GALNT13: variants seen among roughly 807,000 people sequenced by gnomAD.
The protein encoded by GALNT13 is UDP-GalNAc:polypeptide N-acetylgalactosaminyltransferase 13.
A neutral mutation model predicts 64.2 loss-of-function variants in GALNT13; 28 were observed. The ratio of observed to expected loss-of-function variants is 0.44; its 90% CI spans 0.32 to 0.60. The LOEUF is 0.60. Ranked by LOEUF, GALNT13 falls within the 20% of genes least tolerant of loss-of-function variation. GALNT13 has a pLI of 0.05. For synonymous variants in GALNT13, 214 were observed against 224.6 expected, an observed-to-expected ratio of 0.95 and a Z score of 0.42; for missense variants, 577 against 669.8, an observed-to-expected ratio of 0.86 and a Z score of 1.53.
At chr2:153,749,964 C>T in the GALNT13 span, among the ~76,000 whole-genome samples, 9 of 151,692 alleles carry the variant, frequency 5.9e-5, no homozygotes, top group African/African-American at 1.9e-4. Flanking sequence ...AGCTGTGGGC[C>T]TGTCATATAT....
intron 3 of GALNT13, among the ~76,000 whole-genome samples, chr2:153,962,015 GT>G (rs1692980800): frequency 1.1e-4 from 17 of 152,140 alleles, no homozygotes; most frequent in African/African-American, 4.1e-4. Flanking sequence ...AGAGTAGCCA[GT>G]TTATATATAT....
At chr2:153,251,917 G>C in the GALNT13 span, among the ~76,000 whole-genome samples, 1 of 151,810 alleles carries the variant, frequency 6.6e-6, no homozygotes, top group African/African-American at 2.4e-5. Context: ...TGTGAATAAT[G>C]CCGCAATAAA....
the GALNT13 span, among the ~76,000 whole-genome samples, chr2:153,130,897 A>T: frequency 2.6e-5 from 4 of 152,224 alleles, no homozygotes; most frequent in Admixed American, 6.5e-5. Context: ...ATAGTTGTAC[A>T]GTCCAAACTA....
intron 9 of GALNT13, among the ~76,000 whole-genome samples, chr2:154,372,106 G>A (rs1188017379): frequency 6.6e-6 from 1 of 152,046 alleles, no homozygotes; most frequent in African/African-American, 2.4e-5. Context: ...AGAAAGCTTT[G>A]AAGATTCTAA....
chr2:153,282,120 A>T, the GALNT13 span, among the ~76,000 whole-genome samples: 1,028 of 151,308 alleles, frequency 6.8e-3, 6 homozygotes, highest in Middle Eastern at 0.017. Context: ...ATCTTAAAAA[A>T]TTTTTTTTTC....
the GALNT13 span, among the ~76,000 whole-genome samples, chr2:153,393,947 TAC>T: frequency 8.2e-3 from 1,045 of 128,128 alleles, 13 homozygotes; most frequent in East Asian, 0.026. Flanking sequence ...TCTCTCTGTC[TAC>T]ACACACACAC....
At chr2:153,966,083 T>C (rs1693314261) in intron 3 of GALNT13, among the ~76,000 whole-genome samples, 1 of 152,076 alleles carries the variant, frequency 6.6e-6, no homozygotes, top group Non-Finnish European at 1.5e-5. Context: ...TTCTTTTGTT[T>C]CAGATTGAAG....
chr2:153,624,601 C>A, the GALNT13 span, among the ~76,000 whole-genome samples: 1 of 152,048 alleles, frequency 6.6e-6, no homozygotes, highest in Non-Finnish European at 1.5e-5. Flanking sequence ...AGTGTCTCAG[C>A]AGCCACAGCC....
At chr2:154,100,579 C>T (rs1702294795) in intron 3 of GALNT13, among the ~76,000 whole-genome samples, 1 of 151,974 alleles carries the variant, frequency 6.6e-6, no homozygotes, top group African/African-American at 2.4e-5. Flanking sequence ...TTACTGTAGT[C>T]GTTTATCTAG....
At chr2:153,457,806 T>G in the GALNT13 span, among the ~76,000 whole-genome samples, 1 of 152,230 alleles carries the variant, frequency 6.6e-6, no homozygotes, top group Admixed American at 6.5e-5. Flanking sequence ...CATTTTCAGC[T>G]GTTTCTAAGT....
the GALNT13 span, among the ~76,000 whole-genome samples, chr2:153,254,629 C>A: frequency 6.6e-6 from 1 of 152,142 alleles, no homozygotes; most frequent in Non-Finnish European, 1.5e-5. Flanking sequence ...TCCCTCCACA[C>A]ACTGCTTTGG....
intron 12 of GALNT13, among the ~76,000 whole-genome samples, chr2:154,447,669 G>T (rs1391447610): frequency 6.6e-6 from 1 of 151,894 alleles, no homozygotes; most frequent in Non-Finnish European, 1.5e-5. Flanking sequence ...AGAAGTCTTG[G>T]AACAAGGCTA....
intron 4 of GALNT13, among the ~76,000 whole-genome samples, chr2:154,183,710 TCAAA>T (rs1686093011): frequency 6.6e-6 from 1 of 152,062 alleles, no homozygotes; most frequent in South Asian, 2.1e-4. Context: ...AGACCCTGTC[TCAAA>T]CAAACAAACA....
chr2:153,273,130 G>C, the GALNT13 span, among the ~76,000 whole-genome samples: 3 of 151,146 alleles, frequency 2.0e-5, no homozygotes, highest in African/African-American at 7.4e-5. Context: ...GGCCTGTCAG[G>C]GGGTGAGGGG....
At chr2:154,421,026 A>AACTT (rs1700226514) in intron 11 of GALNT13, among the ~76,000 whole-genome samples, 1 of 152,098 alleles carries the variant, frequency 6.6e-6, no homozygotes, top group Non-Finnish European at 1.5e-5. Context: ...TAAATATGAA[A>AACTT]ACTTATTTTT....
chr2:153,428,700 C>T, the GALNT13 span, among the ~76,000 whole-genome samples: 1 of 152,136 alleles, frequency 6.6e-6, no homozygotes, highest in Non-Finnish European at 1.5e-5. Context: ...GTGAGGTTTT[C>T]CAGCATAGCC....
intron 3 of GALNT13, among the ~76,000 whole-genome samples, chr2:153,976,563 T>C (rs1694090261): frequency 6.6e-6 from 1 of 152,106 alleles, no homozygotes; most frequent in Non-Finnish European, 1.5e-5. Context: ...AATTTTGCTC[T>C]AAAGAACAAG....
the GALNT13 span, among the ~76,000 whole-genome samples, chr2:153,164,732 A>T: frequency 2.0e-5 from 3 of 152,186 alleles, no homozygotes; most frequent in African/African-American, 7.2e-5. Context: ...AGTGTACAGT[A>T]GCATGTTATT....
chr2:153,372,861 A>G, the GALNT13 span, among the ~76,000 whole-genome samples: 1 of 152,068 alleles, frequency 6.6e-6, no homozygotes, highest in Non-Finnish European at 1.5e-5. Flanking sequence ...TGCTTGAACT[A>G]TCTTTTCTTT....
Sources: gnomAD v4.1 joint callset for allele counts (sites outside exome capture counted in the v4.1 genomes callset) on GRCh38, gnomAD v4.1.1 for gene constraint, MANE v1.5 for transcripts, NCBI Gene and HGNC (gene_info 2026-07-23, HGNC 2026-07-21) for gene names.